PCDH15: variants seen among roughly 807,000 people sequenced by gnomAD.
PCDH15 encodes protocadherin-15.
A neutral mutation model predicts 178.5 loss-of-function variants in PCDH15; 129 were observed. That is an observed-to-expected ratio of 0.72 (90% CI 0.63 to 0.84). PCDH15 has a LOEUF of 0.84. PCDH15 is among the 40% of genes least tolerant of loss of function. The pLI, the probability that PCDH15 is intolerant of heterozygous loss-of-function variation, is 0.00. For missense variants in PCDH15, 2,230 were observed against 2,099.9 expected, an observed-to-expected ratio of 1.06 and a Z score of -1.21; for synonymous variants, 800 against 732.0, an observed-to-expected ratio of 1.09 and a Z score of -1.50.
chr10:54,794,111 TTAAGATATATATAAGATA>T (rs1951715857), intron 1 of PCDH15, among the ~76,000 whole-genome samples: 3 of 146,994 alleles, frequency 2.0e-5, no homozygotes. Context: ...TTTCTTTCCT[TTAAGATATATATAAGATA>T]TATATATATC....
intron 15 of PCDH15, 106 bp from the exon 16 acceptor site, chr10:54,090,169 C>G: frequency 1.1e-6 from 1 of 871,618 alleles, no homozygotes; most frequent in Non-Finnish European, 1.9e-6. Flanking sequence ...GTCCATGACA[C>G]TGTTAAAGAA....
At chr10:55,298,526 T>C (rs1489682598) in intron 1 of PCDH15, among the ~76,000 whole-genome samples, 2 of 152,130 alleles carry the variant, frequency 1.3e-5, no homozygotes, top group African/African-American at 4.8e-5. Flanking sequence ...GTACAGTTAA[T>C]GGAAAGAGAA....
intron 3 of PCDH15, among the ~76,000 whole-genome samples, chr10:54,403,825 A>G (rs1275667422): frequency 1.3e-5 from 2 of 151,386 alleles, no homozygotes; most frequent in African/African-American, 4.8e-5. Context: ...CAGGAAATCA[A>G]TCCCATTCAT....
In PCDH15 at chr10:55,120,110, T is replaced by C. The variant is rs1837728144; in HGVS notation, c.-80+46466A>G. 2.0e-5 allele frequency among the ~76,000 whole-genome samples: 3 copies of C among 152,076 alleles called. 1 individual carries two copies. The South Asian group carries it at 6.2e-4, about 32-fold the overall frequency. ...ATAAAAGATGGTGGCTTAACTGAAA[T>C]TGACAACAGAGGAAACAGGGACAAG... is the stretch of plus-strand genomic sequence containing the variant. On this transcript the variant is annotated intron_variant, in intron 2 of 5. Transcript: ENST00000458638.
chr10:55,383,205 G>A (rs1039160616), intron 2 of PCDH15, among the ~76,000 whole-genome samples: 30 of 152,018 alleles, frequency 2.0e-4, no homozygotes, highest in Non-Finnish European at 4.1e-4. Flanking sequence ...CTCCAGCCAG[G>A]CTCCTCTCCA....
chr10:54,174,702 CT>C (rs1169302544), intron 13 of PCDH15, among the ~76,000 whole-genome samples: 869 of 84,004 alleles, frequency 0.01, 8 homozygotes, highest in African/African-American at 0.038. Flanking sequence ...TTTTTCTTTT[CT>C]TTTTTTTTTT....
chr10:55,150,940 T>C (rs1378609779), intron 2 of PCDH15, among the ~76,000 whole-genome samples: 2 of 152,146 alleles, frequency 1.3e-5, no homozygotes, highest in African/African-American at 2.4e-5. Context: ...TGAGACACTG[T>C]GGAATTCCAA....
At chr10:53,874,820 T>C (rs1021498706) in intron 26 of PCDH15, among the ~76,000 whole-genome samples, 1 of 152,102 alleles carries the variant, frequency 6.6e-6, no homozygotes, top group Non-Finnish European at 1.5e-5. Context: ...ATATGGTTAA[T>C]ACATTTCAAT....
At chr10:55,367,423 A>G (rs1436907158) in intron 2 of PCDH15, among the ~76,000 whole-genome samples, 1 of 151,890 alleles carries the variant, frequency 6.6e-6, no homozygotes, top group Non-Finnish European at 1.5e-5. Flanking sequence ...TCGCCACATA[A>G]TAAAAAAGTT....
intron 2 of PCDH15, among the ~76,000 whole-genome samples, chr10:54,943,000 G>A (rs1340216843): frequency 6.6e-6 from 1 of 151,870 alleles, no homozygotes; most frequent in Non-Finnish European, 1.5e-5. Context: ...AGCCCCTGAG[G>A]GAGAATATTG....
chr10:55,228,517 C>T (rs1841120316), intron 1 of PCDH15, among the ~76,000 whole-genome samples: 1 of 151,854 alleles, frequency 6.6e-6, no homozygotes. Context: ...TTCTCTTTAC[C>T]ATATATAAAT....
intron 18 of PCDH15, among the ~76,000 whole-genome samples, chr10:54,028,482 T>C (rs2093187150): frequency 6.6e-6 from 1 of 152,016 alleles, no homozygotes; most frequent in Non-Finnish European, 1.5e-5. Context: ...TAAAGACACA[T>C]GCACACATAT....
chr10:55,292,297 G>A (rs1588885592), intron 1 of PCDH15, among the ~76,000 whole-genome samples: 1 of 152,174 alleles, frequency 6.6e-6, no homozygotes, highest in South Asian at 2.1e-4. Context: ...AGGAGAAATT[G>A]GCCAAAACAA....
intron 2 of PCDH15, among the ~76,000 whole-genome samples, chr10:54,932,100 C>A (rs1385341149): frequency 6.6e-6 from 1 of 152,170 alleles, no homozygotes; most frequent in South Asian, 2.1e-4. Context: ...CTACAGCATA[C>A]TTTTAATCCT....
intron 3 of PCDH15, among the ~76,000 whole-genome samples, chr10:54,493,375 T>A (rs1207643971): frequency 1.3e-5 from 2 of 152,004 alleles, no homozygotes; most frequent in African/African-American, 4.8e-5. Context: ...CCCAACCAAG[T>A]GAAACCAGCA....
At chr10:55,133,109 G>A (rs1004879379) in intron 2 of PCDH15, among the ~76,000 whole-genome samples, 3 of 152,230 alleles carry the variant, frequency 2.0e-5, no homozygotes, top group Admixed American at 1.3e-4. Flanking sequence ...CACTGGCTCT[G>A]TGAACTTGAA....
At chr10:55,125,163 T>TTTTGGTG (rs1554833072) in intron 2 of PCDH15, among the ~76,000 whole-genome samples, 18 of 142,980 alleles carry the variant, frequency 1.3e-4, no homozygotes, top group Non-Finnish European at 2.4e-4. Context: ...TTTTTTTTAA[T>TTTTGGTG]TGTGTGTGTG....
intron 9 of PCDH15, among the ~76,000 whole-genome samples, chr10:54,221,139 A>G (rs1425122721): frequency 6.6e-6 from 1 of 152,098 alleles, no homozygotes; most frequent in African/African-American, 2.4e-5. Flanking sequence ...TAAAATTGAT[A>G]ACTATGTTTA....
chr10:54,020,179 C>A lies in PCDH15; in HGVS notation c.2751+13G>T. The A allele has an allele frequency of 6.2e-7, 1 of 1,612,090 alleles. No homozygotes were observed. On this transcript the variant is annotated intron_variant, in intron 20 of 37. Coordinates refer to ENST00000644397, the MANE Select transcript of PCDH15 (RefSeq NM_001384140.1). The stretch of plus-strand genomic sequence containing the variant: ...AGCAAAGCAGGCAACCAGAAGTCAT[C>A]TCTAGCCCTTACCTTTACAATCACT...
Sources: allele counts gnomAD v4.1 joint callset (sites outside exome capture counted in the v4.1 genomes callset), GRCh38; gene constraint gnomAD v4.1.1; transcripts MANE v1.5; gene names NCBI Gene and HGNC (gene_info 2026-07-23, HGNC 2026-07-21).